Variants in GRID2 observed in about 807,000 individuals in gnomAD.
GRID2 encodes glutamate ionotropic receptor delta type subunit 2.
GRID2 carries 33 observed loss-of-function variants against 114.8 expected under a neutral mutation model. That is an observed-to-expected ratio of 0.29 (90% CI 0.22 to 0.38). The LOEUF is 0.38. Among genes scored for constraint, GRID2 ranks in the 10% least tolerant of loss-of-function variants. The pLI, the probability that GRID2 is intolerant of heterozygous loss-of-function variation, is 1.00. For missense variants in GRID2, 1,184 were observed against 1,257.7 expected (o/e 0.94, Z 0.89); for synonymous variants, 505 against 449.9 (o/e 1.12, Z -1.55).
Position 92,413,067 on chromosome 4 carries a change from T to G in GRID2, c.88+108323T>G, listed in dbSNP as rs969951584. On this transcript the variant is annotated intron_variant, in intron 1 of 15. Transcript: ENST00000282020. ...TTTCCTTTTTAGTATTTGTATAAATTTAAGGGCTACAAGTGCAGTTTTATT... is the reference window on the plus strand; with the variant it reads ...TTTCCTTTTTAGTATTTGTATAAATGTAAGGGCTACAAGTGCAGTTTTATT... 5.9e-5 allele frequency among the ~76,000 whole-genome samples: 9 copies of G among 152,302 alleles called. No homozygotes were observed. The East Asian group carries it at 1.4e-3, about 23-fold the overall frequency.
chr4:93,400,197 A>G (rs1354881327), intron 9 of GRID2, among the ~76,000 whole-genome samples: 1 of 152,092 alleles, frequency 6.6e-6, no homozygotes, highest in African/African-American at 2.4e-5. Flanking sequence ...TGATATAATT[A>G]TTGAGATGTG....
intron 2 of GRID2, among the ~76,000 whole-genome samples, chr4:92,688,017 A>G (rs1448494970): frequency 1.9e-5 from 2 of 105,824 alleles, no homozygotes; most frequent in Admixed American, 1.1e-4. Flanking sequence ...TGTTTGCCAC[A>G]TTGGTTGACC....
At chr4:92,835,793 A>C (rs2149403918) in intron 2 of GRID2, among the ~76,000 whole-genome samples, 1 of 152,302 alleles carries the variant, frequency 6.6e-6, no homozygotes, top group African/African-American at 2.4e-5. Context: ...TTTTAATGGT[A>C]ATGAGTGTAT....
rs755405150 is a variant in GRID2 at position 93,238,424 on chromosome 4, T to A, written c.1179T>A (p.Asn393Lys). ...TAGAATTTGGAGAAAATGGAGGCAA[T>A]CCCAATGTCCACTTTGAAATCCTTG... ...GELEFGENGG[N>K]PNVHFEILGT... The change falls in exon 8 of 16, where the codon AAT (asparagine) becomes AAA (lysine). Residue 393 changes from asparagine to lysine, a missense_variant. By Grantham distance (94) the Asn-to-Lys change is moderately conservative. Around this residue, in one of 3 missense-constraint regions of GRID2, gnomAD observed 717 missense variants for 796.9 expected, o/e 0.90. Coordinates refer to ENST00000282020, the MANE Select transcript of GRID2 (RefSeq NM_001510.4). 8.7e-6 allele frequency: 14 copies of A among 1,607,566 alleles called. No homozygotes were observed. Among genetic ancestry groups the A allele is most frequent in the Non-Finnish European group, 1.1e-5 (13 of 1,174,716 alleles).
intron 3 of GRID2, among the ~76,000 whole-genome samples, chr4:93,108,513 G>A (rs1476243564): frequency 6.6e-6 from 1 of 151,990 alleles, no homozygotes; most frequent in Non-Finnish European, 1.5e-5. Flanking sequence ...ATCTATTTCA[G>A]TGTTACTTTT....
chr4:92,823,911 G>A (rs552774838), intron 2 of GRID2, among the ~76,000 whole-genome samples: 45 of 152,282 alleles, frequency 3.0e-4, no homozygotes, highest in African/African-American at 9.6e-4. Flanking sequence ...AATCCCATCA[G>A]TAATTCCTTC....
chr4:93,011,527 C>T (rs1366876566), intron 2 of GRID2, among the ~76,000 whole-genome samples: 3 of 151,976 alleles, frequency 2.0e-5, no homozygotes. Flanking sequence ...CCAGGAGCCC[C>T]CAGCCCCCAG....
intron 2 of GRID2, among the ~76,000 whole-genome samples, chr4:92,906,705 A>G (rs1034523316): frequency 4.6e-5 from 7 of 151,786 alleles, no homozygotes; most frequent in Non-Finnish European, 1.5e-5. Flanking sequence ...TGCAACCTCC[A>G]CCTCCTGGGT....
intron 6 of GRID2, among the ~76,000 whole-genome samples, chr4:93,222,213 G>T (rs1318418179): frequency 6.6e-6 from 1 of 151,968 alleles, no homozygotes; most frequent in Non-Finnish European, 1.5e-5. Flanking sequence ...TTATTTTTTT[G>T]TGGAAAAGGT....
At chr4:92,974,556 A>G (rs1289280790) in intron 2 of GRID2, among the ~76,000 whole-genome samples, 1 of 152,148 alleles carries the variant, frequency 6.6e-6, no homozygotes, top group East Asian at 1.9e-4. Context: ...ATGAAGCTGG[A>G]AACCATCATT....
Position 92,759,806 on chromosome 4 carries a change from T to C in GRID2, c.244+169520T>C, listed in dbSNP as rs1737903897. On this transcript the variant is annotated intron_variant, in intron 2 of 15. Coordinates refer to ENST00000282020, the MANE Select transcript of GRID2 (RefSeq NM_001510.4). The stretch of plus-strand genomic sequence containing the variant: ...TCTTCTTCTTTTTTTTTTTTGTATT[T>C]AGTAGAGACGGGGTTTCACCATGTT... Among the ~76,000 whole-genome samples the C allele has an allele frequency of 2.6e-5, 4 of 151,082 alleles. 1 individual carries two copies. The South Asian group carries it at 8.4e-4, about 32-fold the overall frequency.
At chr4:93,282,722 T>A (rs1752776771) in intron 8 of GRID2, among the ~76,000 whole-genome samples, 1 of 152,022 alleles carries the variant, frequency 6.6e-6, no homozygotes, top group Non-Finnish European at 1.5e-5. Flanking sequence ...GTGTTATTTA[T>A]AAAGGAAAAC....
At chr4:92,902,321 G>T (rs1578423744) in intron 2 of GRID2, among the ~76,000 whole-genome samples, 1 of 151,954 alleles carries the variant, frequency 6.6e-6, no homozygotes, top group East Asian at 1.9e-4. Flanking sequence ...GTGTCTATTT[G>T]AATCTTCTCT....
chr4:93,463,752 G>A (rs182359402), intron 11 of GRID2, among the ~76,000 whole-genome samples: 108 of 152,066 alleles, frequency 7.1e-4, no homozygotes, highest in African/African-American at 2.4e-3. Flanking sequence ...CATTTTGGGA[G>A]GCCAAGGTGG....
At chr4:93,531,657 A>G (rs888893528) in intron 13 of GRID2, among the ~76,000 whole-genome samples, 2 of 152,134 alleles carry the variant, frequency 1.3e-5, no homozygotes, top group Non-Finnish European at 2.9e-5. Flanking sequence ...AAAAACAAGT[A>G]TGATGAAAGA....
intron 2 of GRID2, among the ~76,000 whole-genome samples, chr4:92,772,603 T>C (rs1353137337): frequency 1.3e-5 from 2 of 152,208 alleles, no homozygotes; most frequent in East Asian, 3.8e-4. Flanking sequence ...ATTTTAGTAA[T>C]GACAAAACTG....
At chr4:93,465,672 T>G (rs906874936) in intron 11 of GRID2, among the ~76,000 whole-genome samples, 1 of 152,192 alleles carries the variant, frequency 6.6e-6, no homozygotes, top group African/African-American at 2.4e-5. Flanking sequence ...CGGCAAGAGA[T>G]AGAATCAGCC....
At chr4:93,200,011 TG>T (rs754773388) in intron 4 of GRID2, among the ~76,000 whole-genome samples, 10 of 152,198 alleles carry the variant, frequency 6.6e-5, no homozygotes, top group Non-Finnish European at 1.5e-4. Flanking sequence ...TGCATTTTTT[TG>T]GTTGGTGTTT....
intron 2 of GRID2, among the ~76,000 whole-genome samples, chr4:92,620,493 G>A (rs891770760): frequency 4.6e-5 from 7 of 151,600 alleles, no homozygotes; most frequent in Admixed American, 6.6e-5. Flanking sequence ...CTCAAAGAAC[G>A]CTTCTAGCAT....
Sources: allele counts gnomAD v4.1 joint callset (sites outside exome capture counted in the v4.1 genomes callset), GRCh38; gene constraint gnomAD v4.1.1; regional missense constraint gnomAD v4.1.1; transcripts MANE v1.5; gene names NCBI Gene and HGNC (gene_info 2026-07-23, HGNC 2026-07-21).